DEPDC4: variants seen among roughly 807,000 people sequenced by gnomAD.
The protein encoded by DEPDC4 is DEP domain-containing protein 4.
DEPDC4 carries 52 observed loss-of-function variants against 52.0 expected under a neutral mutation model. The observed-to-expected ratio is 1.00, with a 90% CI of 0.80 to 1.26. The LOEUF (loss-of-function observed/expected upper bound fraction) is 1.26, where lower values mean the gene tolerates loss of function less well. DEPDC4 is among the 50% of genes most tolerant of loss of function. The probability of loss-of-function intolerance (pLI) is 0.00; values close to 1 mark genes in which losing one functional copy is unlikely to be tolerated. For missense variants in DEPDC4, 530 were observed against 546.9 expected (o/e 0.97, Z 0.31); for synonymous variants, 201 against 196.8 (o/e 1.02, Z -0.18).
At chr12:100,277,061 CTA>C in the DEPDC4 span, among the ~76,000 whole-genome samples, 2 of 151,936 alleles carry the variant, frequency 1.3e-5, no homozygotes, top group Non-Finnish European at 2.9e-5. Context: ...ATATTTTAAT[CTA>C]TTATTGATTT....
chr12:100,246,286 C>T (rs958823805), intron 8 of DEPDC4, among the ~76,000 whole-genome samples: 1 of 152,158 alleles, frequency 6.6e-6, no homozygotes, highest in African/African-American at 2.4e-5. Flanking sequence ...TTGATTCCCT[C>T]AGACTAGGTG....
At chr12:100,280,801 G>A in the DEPDC4 span, among the ~76,000 whole-genome samples, 1 of 151,574 alleles carries the variant, frequency 6.6e-6, no homozygotes, top group African/African-American at 2.4e-5. Context: ...TCCAACATCT[G>A]AAAAAATAAA....
At chr12:100,260,874 C>G (rs1047407088) in intron 3 of DEPDC4, among the ~76,000 whole-genome samples, 1 of 150,124 alleles carries the variant, frequency 6.7e-6, no homozygotes, top group South Asian at 2.1e-4. Flanking sequence ...TCTGCCTGGG[C>G]GAAAGAGTGA....
Position 100,266,971 on chromosome 12 carries a change from C to A in DEPDC4, c.106G>T (p.Gly36Trp). ...TCTCTACGGTTCCTGGAACTTGGCC[C>A]GTTCAGCCCTGGGCCCGGAAGCTCG... ...QNELPGPGLN[G>W]PSSRNRRDGF... The change falls in exon 1 of 10, where the codon GGG becomes TGG. Residue 36 changes from glycine to tryptophan, a missense_variant. Coordinates refer to ENST00000550587, the MANE Select transcript of DEPDC4 (RefSeq NM_001364818.2). The A allele has an allele frequency of 6.2e-7, 1 of 1,614,038 alleles. No homozygotes were observed. Among genetic ancestry groups the A allele is most frequent in the Non-Finnish European group, 8.5e-7 (1 of 1,179,958 alleles).
At chr12:100,279,564 A>G in the DEPDC4 span, among the ~76,000 whole-genome samples, 13 of 152,294 alleles carry the variant, frequency 8.5e-5, no homozygotes, top group African/African-American at 2.9e-4. Context: ...TGTGTCTTTC[A>G]TGACTATTGG....
upstream of DEPDC4, among the ~76,000 whole-genome samples, chr12:100,270,078 C>T (rs1335732256): frequency 6.6e-5 from 10 of 151,858 alleles, no homozygotes; most frequent in Non-Finnish European, 1.5e-4. Flanking sequence ...GCTCCGCCTC[C>T]CAGGTTCACG....
chr12:100,249,386 C>T (rs1277633325), intron 7 of DEPDC4, among the ~76,000 whole-genome samples: 2 of 152,152 alleles, frequency 1.3e-5, no homozygotes, highest in Non-Finnish European at 2.9e-5. Context: ...TGGTGGCTCA[C>T]ACCTGTAATC....
At chr12:100,264,646 T>C (rs1482954377) in intron 1 of DEPDC4, among the ~76,000 whole-genome samples, 1 of 151,538 alleles carries the variant, frequency 6.6e-6, no homozygotes, top group Admixed American at 6.6e-5. Flanking sequence ...GCCACTGCAC[T>C]CCAGCCTTGG....
Position 100,244,132 on chromosome 12 carries a change from T to TAC in DEPDC4, c.1454-1564_1454-1563insGT, listed in dbSNP as rs1224766977. 8.2e-4 allele frequency among the ~76,000 whole-genome samples: 97 copies of TAC among 117,784 alleles called. 2 individuals carry two copies. The highest frequency in any genetic ancestry group is 1.2e-3 in the Non-Finnish European group (68 of 55,634). The allele number at this position is 117,784 out of a possible 152,430, so 77.3% of individuals were successfully genotyped here. A position where few individuals can be genotyped will look rare whatever the true frequency, so the allele number is the denominator to read the frequency against. ...ATATATATATATATATATATATATA[T>TAC]ATACACAAAATACAATAAAATACAA... On this transcript the variant is annotated intron_variant, in intron 8 of 9. Transcript: ENST00000550587.
intron 1 of DEPDC4, among the ~76,000 whole-genome samples, chr12:100,265,564 C>T (rs1368880467): frequency 1.3e-5 from 2 of 151,960 alleles, no homozygotes; most frequent in Non-Finnish European, 2.9e-5. Context: ...CATTGCACTC[C>T]AGCCTGGGCA....
intron 4 of DEPDC4, 135 bp downstream of exon 4, chr12:100,255,914 T>C (rs1028776441): frequency 6.6e-6 from 4 of 604,132 alleles, no homozygotes; most frequent in Non-Finnish European, 8.3e-6. Context: ...CAAATGAGGA[T>C]TCATAATGAT....
At chr12:100,276,757 C>T in the DEPDC4 span, among the ~76,000 whole-genome samples, 1 of 151,924 alleles carries the variant, frequency 6.6e-6, no homozygotes, top group African/African-American at 2.4e-5. Context: ...TAAAGTATTA[C>T]ATTAAATTCA....
the DEPDC4 span, among the ~76,000 whole-genome samples, chr12:100,277,932 C>G: frequency 6.6e-6 from 1 of 152,042 alleles, no homozygotes; most frequent in Non-Finnish European, 1.5e-5. Context: ...TATCTTTTAA[C>G]TTTAAATACC....
downstream of DEPDC4, among the ~76,000 whole-genome samples, chr12:100,239,695 AT>A (rs902478815): frequency 6.6e-6 from 1 of 151,726 alleles, no homozygotes; most frequent in Non-Finnish European, 1.5e-5. Flanking sequence ...TTAGCTGAGA[AT>A]TTTTTTTCCC....
chr12:100,241,589 T>C lies in DEPDC4; in HGVS notation c.*303A>G, dbSNP rs916195689. ...AAATCCTTTGAGATTATGCTTTCTC[T>C]GAAGTGTAAGTATGGCAATTTGAGA... On this transcript the variant is annotated 3_prime_UTR_variant, in exon 10 of 10. Coordinates refer to ENST00000550587, the MANE Select transcript of DEPDC4 (RefSeq NM_001364818.2). 3.7e-5 allele frequency: 30 copies of C among 815,248 alleles called. No individual in the cohort carries two copies. In the African/African-American group the frequency reaches 5.6e-4, roughly 15 times the overall value. The allele number at this position is 815,248 out of a possible 1,614,324, so 50.5% of individuals were successfully genotyped here. A position where few individuals can be genotyped will look rare whatever the true frequency, so the allele number is the denominator to read the frequency against.
Position 100,263,728 on chromosome 12 carries a change from G to C in DEPDC4, c.323C>G (p.Thr108Arg). The change falls in exon 2 of 10, where the codon ACG becomes AGG. Residue 108 changes from threonine to arginine, a missense_variant. By Grantham distance (71) the Thr-to-Arg change is moderately conservative (BLOSUM62 -1). Coordinates refer to ENST00000550587, the MANE Select transcript of DEPDC4 (RefSeq NM_001364818.2). ...AGAGATGTCATTGCTACTTAGGCAC[G>C]TGTTTTGCATAAGATGACTTAAGAC... ...DVVLSHLMQN[T>R]CLSSNDISCL... 6.2e-7 allele frequency: 1 copy of C among 1,614,030 alleles called. No homozygotes were observed. The highest frequency in any genetic ancestry group is 1.7e-5 in the Admixed American group (1 of 60,014).
chr12:100,248,010 AAAT>A (rs536170098), intron 8 of DEPDC4, among the ~76,000 whole-genome samples: 8 of 152,162 alleles, frequency 5.3e-5, no homozygotes, highest in Non-Finnish European at 1.5e-5. Flanking sequence ...CTATAAAATC[AAAT>A]AATAATAATA....
intron 4 of DEPDC4, among the ~76,000 whole-genome samples, chr12:100,255,477 T>G (rs1038541804): frequency 6.6e-6 from 1 of 152,192 alleles, no homozygotes; most frequent in African/African-American, 2.4e-5. Context: ...GAGGAAGCAC[T>G]ATATCAGTTC....
intron 3 of DEPDC4, among the ~76,000 whole-genome samples, chr12:100,256,735 A>G (rs1161192905): frequency 4.0e-5 from 6 of 149,286 alleles, no homozygotes; most frequent in East Asian, 2.0e-4. Context: ...TCCGCCTCCC[A>G]GGTTCACGCC....
Sources: gnomAD v4.1 joint callset for allele counts (sites outside exome capture counted in the v4.1 genomes callset) on GRCh38, gnomAD v4.1.1 for gene constraint, MANE v1.5 for transcripts, NCBI Gene and HGNC (gene_info 2026-07-23, HGNC 2026-07-21) for gene names.